Variants in UBXN8 observed in about 807,000 individuals in gnomAD.
UBXN8 encodes UBX domain-containing protein 8.
In UBXN8, 27 loss-of-function variants were observed where a neutral mutation model predicts 32.1. That is an observed-to-expected ratio of 0.84 (90% CI 0.62 to 1.16). UBXN8 has a LOEUF of 1.16. UBXN8 is among the 50% of genes most tolerant of loss of function. The pLI, the probability that UBXN8 is intolerant of heterozygous loss-of-function variation, is 0.00. For synonymous variants in UBXN8, 109 were observed against 111.8 expected (o/e 0.98, Z 0.16); for missense variants, 306 against 311.4 (o/e 0.98, Z 0.13).
At chr8:30,752,168 G>A (rs62508269) in intron 2 of UBXN8, among the ~76,000 whole-genome samples, 135 of 152,328 alleles carry the variant, frequency 8.9e-4, no homozygotes, top group Non-Finnish European at 1.7e-3. Context: ...GGGATCACAG[G>A]CATGAGACAC....
At chr8:30,744,097 A>G, upstream of UBXN8, 1 of 1,199,798 alleles carries the variant, frequency 8.3e-7, no homozygotes, top group Non-Finnish European at 1.2e-6. Flanking sequence ...ACCCTCTCCC[A>G]GCCGGCCCGC....
chr8:30,737,960 T>C (rs1377299070), intron 1 of UBXN8, among the ~76,000 whole-genome samples: 1 of 152,112 alleles, frequency 6.6e-6, no homozygotes, highest in Non-Finnish European at 1.5e-5. Flanking sequence ...TACAAAGCTT[T>C]TAGAAGAAAA....
At chr8:30,733,738 C>G (rs1033940843) in intron 1 of UBXN8, 1 of 152,336 alleles carries the variant, frequency 6.6e-6, no homozygotes, top group Non-Finnish European at 1.5e-5. Context: ...AACTCCTTTC[C>G]TAGGCTCAAG....
intron 5 of UBXN8, among the ~76,000 whole-genome samples, chr8:30,759,952 G>A (rs912633427): frequency 4.9e-5 from 7 of 143,508 alleles, no homozygotes; most frequent in African/African-American, 1.4e-4. Context: ...GTGAGACTCC[G>A]TCTCAGAAAA....
At chr8:30,747,591 G>T (rs545685478) in intron 1 of UBXN8, among the ~76,000 whole-genome samples, 1 of 140,970 alleles carries the variant, frequency 7.1e-6, no homozygotes, top group Admixed American at 7.1e-5. Flanking sequence ...GATTATAGAC[G>T]TGAGCCACTG....
chr8:30,761,385 C>G (rs193023048), intron 6 of UBXN8, among the ~76,000 whole-genome samples: 25 of 152,210 alleles, frequency 1.6e-4, no homozygotes, highest in African/African-American at 5.8e-4. Flanking sequence ...GCTGGGATTA[C>G]AGGCATCTGC....
At chr8:30,765,750 A>G (rs1158211003) in intron 7 of UBXN8, among the ~76,000 whole-genome samples, 1 of 151,972 alleles carries the variant, frequency 6.6e-6, no homozygotes, top group East Asian at 1.9e-4. Flanking sequence ...GCTCACGGCC[A>G]TAATCCCAGC....
chr8:30,745,034 A>C (rs1356632134), intron 1 of UBXN8, among the ~76,000 whole-genome samples: 1 of 152,190 alleles, frequency 6.6e-6, no homozygotes, highest in Non-Finnish European at 1.5e-5. Flanking sequence ...CAGTTGAGGG[A>C]ACTAAAATTT....
chr8:30,756,929 A>C (rs777585163), intron 5 of UBXN8, 42 bp downstream of exon 5: 2 of 1,611,236 alleles, frequency 1.2e-6, no homozygotes, highest in East Asian at 4.5e-5. Flanking sequence ...GTCTGTGTGC[A>C]GTAGGAGTAT....
intron 4 of UBXN8, chr8:30,756,364 C>CT (rs1805660717): frequency 6.1e-6 from 1 of 164,614 alleles, no homozygotes; most frequent in Admixed American, 5.9e-5. Context: ...AGGCTGGTCT[C>CT]TAACTCCTGA....
chr8:30,766,167 T>C, intron 7 of UBXN8, 60 bp from the exon 8 acceptor site: 2 of 1,517,032 alleles, frequency 1.3e-6, no homozygotes, highest in South Asian at 2.6e-5. Flanking sequence ...TATGGTGGTC[T>C]AAAGGGACAT....
At chr8:30,754,919 C>T in intron 4 of UBXN8, 132 bp downstream of exon 4, 3 of 1,120,818 alleles carry the variant, frequency 2.7e-6, no homozygotes, top group South Asian at 1.8e-5. Flanking sequence ...AGTTTTTGTT[C>T]AGCATACTTG....
At chr8:30,753,240 A>G in intron 3 of UBXN8, 135 bp downstream of exon 3, 1 of 1,239,228 alleles carries the variant, frequency 8.1e-7, no homozygotes, top group Non-Finnish European at 1.0e-6. Context: ...TTCACGTGAC[A>G]TAAATTGACC....
chr8:30,730,618 C>T (rs879117890), upstream of UBXN8, among the ~76,000 whole-genome samples: 1 of 152,114 alleles, frequency 6.6e-6, no homozygotes, highest in Admixed American at 6.5e-5. Context: ...TACAGGGAAG[C>T]TCTCTTAGAA....
intron 1 of UBXN8, among the ~76,000 whole-genome samples, chr8:30,749,405 T>TAAA (rs60710943): frequency 2.9e-5 from 4 of 136,266 alleles, no homozygotes; most frequent in African/African-American, 1.2e-4. Context: ...AAAAAAAAAA[T>TAAA]AAAATAAATA....
chr8:30,758,097 C>T (rs897823130), intron 5 of UBXN8, among the ~76,000 whole-genome samples: 3 of 151,990 alleles, frequency 2.0e-5, no homozygotes, highest in Non-Finnish European at 4.4e-5. Context: ...GGGGTTTCAC[C>T]ATGTTAGCCA....
chr8:30,764,964 C>T (rs1288276526), intron 7 of UBXN8, among the ~76,000 whole-genome samples: 6 of 152,142 alleles, frequency 3.9e-5, no homozygotes, highest in Non-Finnish European at 7.3e-5. Context: ...GCAGGAGAAT[C>T]GCTTGAACCC....
chr8:30,755,116 C>T (rs1165304806), intron 4 of UBXN8, among the ~76,000 whole-genome samples: 2 of 151,960 alleles, frequency 1.3e-5, no homozygotes, highest in Non-Finnish European at 2.9e-5. Context: ...CCACCATGCC[C>T]AGCTAATTTT....
chr8:30,742,522 T>G (rs536595679), upstream of UBXN8, among the ~76,000 whole-genome samples: 15 of 152,280 alleles, frequency 9.9e-5, no homozygotes, highest in East Asian at 2.7e-3. Context: ...GCTATTTTTT[T>G]TTTTTAGACA....
Sources: gnomAD v4.1 joint callset for allele counts (sites outside exome capture counted in the v4.1 genomes callset) on GRCh38, gnomAD v4.1.1 for gene constraint, MANE v1.5 for transcripts, NCBI Gene and HGNC (gene_info 2026-07-23, HGNC 2026-07-21) for gene names.